RBMS3: variants seen among roughly 807,000 people sequenced by gnomAD.
RBMS3 encodes RNA binding motif single stranded interacting protein 3.
RBMS3 carries 27 observed loss-of-function variants against 66.8 expected under a neutral mutation model. That is an observed-to-expected ratio of 0.40 (90% confidence interval 0.30 to 0.56). The LOEUF (loss-of-function observed/expected upper bound fraction) is 0.56. Among genes scored for constraint, RBMS3 ranks in the 20% least tolerant of loss-of-function variants. The pLI, the probability that RBMS3 is intolerant of heterozygous loss-of-function variation, is 0.40. For synonymous variants in RBMS3, 188 were observed against 183.0 expected, an observed-to-expected ratio of 1.03 and a Z score of -0.22; for missense variants, 513 against 549.5, an observed-to-expected ratio of 0.93 and a Z score of 0.66.
chr3:29,402,118 G>A (rs2039838469), intron 1 of RBMS3, among the ~76,000 whole-genome samples: 1 of 151,860 alleles, frequency 6.6e-6, no homozygotes, highest in Admixed American at 6.6e-5. Flanking sequence ...TACATTGACG[G>A]TGATGAAAAA....
intron 6 of RBMS3, among the ~76,000 whole-genome samples, chr3:29,821,170 TA>T (rs1384661374): frequency 1.3e-5 from 2 of 152,184 alleles, no homozygotes; most frequent in Non-Finnish European, 2.9e-5. Context: ...ATTTTTAGAG[TA>T]AGTTTTCATA....
chr3:29,415,977 T>A (rs2040463611), intron 1 of RBMS3, among the ~76,000 whole-genome samples: 1 of 152,116 alleles, frequency 6.6e-6, no homozygotes. Flanking sequence ...GGGCATGGGC[T>A]AAAACACATT....
intron 3 of RBMS3, among the ~76,000 whole-genome samples, chr3:29,517,273 G>A (rs1405153969): frequency 9.4e-5 from 4 of 42,344 alleles, no homozygotes; most frequent in East Asian, 1.0e-3. Flanking sequence ...TTTCATATAT[G>A]TGTGTGTGTG....
rs9832750 is a variant in RBMS3, at chr3:29,939,785, C to G, written c.1050+3589C>G. 4.4e-3 allele frequency among the ~76,000 whole-genome samples: 666 copies of G among 151,886 alleles called. 3 individuals carry two copies. Among genetic ancestry groups the G allele is most frequent in the African/African-American group, 0.015 (632 of 41,480 alleles). On this transcript the variant is annotated intron_variant, in intron 11 of 14. Transcript: ENST00000383767. ...GTCTCATGGTTTTAAACCCTGGCTT[C>G]CACGTTGACTCCTAAATCTCAGTCC...
intron 3 of RBMS3, among the ~76,000 whole-genome samples, chr3:29,511,772 A>C (rs2044423404): frequency 6.6e-6 from 1 of 152,132 alleles, no homozygotes; most frequent in Non-Finnish European, 1.5e-5. Context: ...GGATTTTCAC[A>C]TTATGACTTT....
intron 1 of RBMS3, among the ~76,000 whole-genome samples, chr3:29,317,115 G>A (rs976553584): frequency 6.6e-6 from 1 of 151,656 alleles, no homozygotes; most frequent in Non-Finnish European, 1.5e-5. Flanking sequence ...ATTTGAAAAA[G>A]CCTTAAGTCA....
At chr3:29,894,150 C>G (rs893900392) in intron 8 of RBMS3, among the ~76,000 whole-genome samples, 3 of 151,518 alleles carry the variant, frequency 2.0e-5, no homozygotes, top group African/African-American at 7.3e-5. Context: ...AATTCAAGAT[C>G]AATGTAGCCG....
At chr3:29,699,043 T>C (rs562511225) in intron 4 of RBMS3, among the ~76,000 whole-genome samples, 1 of 152,198 alleles carries the variant, frequency 6.6e-6, no homozygotes, top group Admixed American at 6.5e-5. Flanking sequence ...CATTTCCCAA[T>C]TGATAGGCAA....
At chr3:29,358,462 T>C (rs2037361025) in intron 1 of RBMS3, among the ~76,000 whole-genome samples, 1 of 152,172 alleles carries the variant, frequency 6.6e-6, no homozygotes, top group African/African-American at 2.4e-5. Flanking sequence ...CGTAGTATAG[T>C]TTGAAGTGAG....
intron 2 of RBMS3, among the ~76,000 whole-genome samples, chr3:29,435,305 T>C (rs1157869521): frequency 2.6e-5 from 4 of 152,142 alleles, no homozygotes; most frequent in Non-Finnish European, 4.4e-5. Context: ...AAGCGGTGGA[T>C]TTCAGGATTA....
At chr3:29,914,352 T>C (rs944777245) in intron 10 of RBMS3, among the ~76,000 whole-genome samples, 4 of 151,778 alleles carry the variant, frequency 2.6e-5, no homozygotes, top group African/African-American at 9.7e-5. Context: ...CAGATAAAGA[T>C]TTTCAATATG....
At chr3:29,995,764 G>T (rs1285588921) in intron 14 of RBMS3, among the ~76,000 whole-genome samples, 2 of 152,118 alleles carry the variant, frequency 1.3e-5, no homozygotes, top group Non-Finnish European at 2.9e-5. Flanking sequence ...GCTCCTAAAG[G>T]AAGCACTAAA....
At chr3:29,947,301 T>TA (rs1248020019) in intron 12 of RBMS3, among the ~76,000 whole-genome samples, 1 of 151,504 alleles carries the variant, frequency 6.6e-6, no homozygotes, top group Non-Finnish European at 1.5e-5. Context: ...GAAGTGGGGG[T>TA]ATCTTGCATA....
intron 12 of RBMS3, among the ~76,000 whole-genome samples, chr3:29,961,787 C>T (rs1696465423): frequency 6.6e-6 from 1 of 151,586 alleles, no homozygotes; most frequent in Admixed American, 6.6e-5. Context: ...AATTACTTCC[C>T]ACCAGGTCCT....
intron 3 of RBMS3, among the ~76,000 whole-genome samples, chr3:29,563,161 A>C (rs1576235899): frequency 6.6e-6 from 1 of 152,334 alleles, no homozygotes; most frequent in East Asian, 1.9e-4. Flanking sequence ...CCCAGTCATA[A>C]TCTTTCTTCT....
intron 6 of RBMS3, among the ~76,000 whole-genome samples, chr3:29,794,223 T>C (rs2057103137): frequency 6.6e-6 from 1 of 152,204 alleles, no homozygotes; most frequent in South Asian, 2.1e-4. Context: ...GAGATTTTGC[T>C]GATGGACTGT....
chr3:29,536,725 T>C (rs1318044940), intron 3 of RBMS3, among the ~76,000 whole-genome samples: 2 of 152,314 alleles, frequency 1.3e-5, no homozygotes, highest in East Asian at 3.9e-4. Flanking sequence ...GGCCAATTAA[T>C]TGTTTTGCTG....
intron 1 of RBMS3, among the ~76,000 whole-genome samples, chr3:29,378,234 A>G (rs2038577555): frequency 6.6e-6 from 1 of 152,138 alleles, no homozygotes; most frequent in African/African-American, 2.4e-5. Context: ...GCACTTTGGG[A>G]GGCCCAGGAG....
At chr3:29,596,845 A>G (rs948888999) in intron 4 of RBMS3, among the ~76,000 whole-genome samples, 2 of 152,222 alleles carry the variant, frequency 1.3e-5, no homozygotes, top group African/African-American at 4.8e-5. Flanking sequence ...ATGGGAATGA[A>G]CAAATGAATA....
Sources: gnomAD v4.1 joint callset for allele counts (sites outside exome capture counted in the v4.1 genomes callset) on GRCh38, gnomAD v4.1.1 for gene constraint, MANE v1.5 for transcripts, NCBI Gene and HGNC (gene_info 2026-07-23, HGNC 2026-07-21) for gene names.